The following CTDP1 variants were observed in gnomAD, a reference collection of about 807,000 sequenced individuals.
CTDP1 encodes RNA polymerase II subunit A C-terminal domain phosphatase.
A neutral mutation model predicts 91.8 loss-of-function variants in CTDP1; 47 were observed. The ratio of observed to expected loss-of-function variants is 0.51; its 90% CI spans 0.41 to 0.65. The LOEUF (loss-of-function observed/expected upper bound fraction) is 0.65. Ranked by LOEUF, CTDP1 falls within the 30% of genes least tolerant of loss-of-function variation. The pLI, the probability that CTDP1 is intolerant of heterozygous loss-of-function variation, is 0.00. For synonymous variants in CTDP1, 656 were observed against 598.5 expected (o/e 1.10, Z -1.40); for missense variants, 1,272 against 1,373.7 (o/e 0.93, Z 1.17).
intron 11 of CTDP1, among the ~76,000 whole-genome samples, chr18:79,732,574 C>A (rs1234491003): frequency 1.1e-3 from 134 of 122,148 alleles, no homozygotes; most frequent in African/African-American, 3.5e-3. Context: ...CATGAGAACT[C>A]ACATCAGGAG....
intron 4 of CTDP1, among the ~76,000 whole-genome samples, chr18:79,698,283 C>T (rs929741732): frequency 2.0e-5 from 3 of 151,968 alleles, no homozygotes; most frequent in Non-Finnish European, 2.9e-5. Flanking sequence ...ACGTCCCGAG[C>T]CTGTGAGGAT....
In CTDP1 at chr18:79,712,988, G is replaced by A; in HGVS notation, c.880G>A (p.Gly294Arg). The change falls in exon 7 of 13, where the codon GGA becomes AGA. Residue 294 changes from glycine to arginine, a missense_variant. By Grantham distance (125) the Gly-to-Arg change is moderately radical (BLOSUM62 -2). Coordinates refer to ENST00000613122, the MANE Select transcript of CTDP1 (RefSeq NM_004715.5). ...TGNLRNLFPCGDSMVCIIDDR... is the reference protein window; with the variant it reads ...TGNLRNLFPCRDSMVCIIDDR... ...CACTTGTAGAAATCTCTTTCCTTGT[G>A]GAGACTCAATGGTTTGCATTATTGA... 6.2e-7 allele frequency: 1 copy of A among 1,614,000 alleles called. No homozygotes were observed. Among genetic ancestry groups the A allele is most frequent in the Non-Finnish European group, 8.5e-7 (1 of 1,179,964 alleles).
Position 79,712,968 on chromosome 18 carries a change from G to A in CTDP1, c.864-4G>A, listed in dbSNP as rs77055388. On this transcript the variant is annotated splice_polypyrimidine_tract_variant and splice_region_variant and intron_variant, in intron 6 of 12. Transcript: ENST00000613122. ...TTTTGTAAATTATGCATTTTCACTT[G>A]TAGAAATCTCTTTCCTTGTGGAGAC... 6 of 1,613,894 alleles carry A rather than the reference G, an allele frequency of 3.7e-6. No individual in the cohort carries two copies. Among genetic ancestry groups the A allele is most frequent in the Admixed American group, 3.3e-5 (2 of 60,008 alleles).
chr18:79,717,909 G>C lies in CTDP1; in HGVS notation c.2310G>C (p.Glu770Asp), dbSNP rs1331006068. 1 of 1,613,584 alleles carries C rather than the reference G, an allele frequency of 6.2e-7. No individual in the cohort carries two copies. The highest frequency in any genetic ancestry group is 1.7e-5 in the Admixed American group (1 of 60,032). The change falls in exon 10 of 13, where the codon GAG (glutamate) becomes GAC (aspartate). Residue 770 changes from glutamate to aspartate, a missense_variant. Coordinates refer to ENST00000613122, the MANE Select transcript of CTDP1 (RefSeq NM_004715.5). ...TTCCCAAGGCCCAGCCTGGCCCCGA[G>C]GTTCGGATCTACGACTCCAACACGG... ...PVLPKAQPGPEVRIYDSNTGK... is the reference protein window; with the variant it reads ...PVLPKAQPGPDVRIYDSNTGK...
At chr18:79,703,809 T>G (rs1338396569) in intron 4 of CTDP1, among the ~76,000 whole-genome samples, 3 of 152,058 alleles carry the variant, frequency 2.0e-5, no homozygotes, top group Admixed American at 6.5e-5. Context: ...CAGGAGTAGT[T>G]AGTGTAGCTA....
At position 79,693,460 on chromosome 18, in the gene CTDP1, A is replaced by G. The variant is rs532677350; in HGVS notation, c.315-1765A>G. Among the ~76,000 whole-genome samples, 3 of 152,322 alleles carry G rather than the reference A, an allele frequency of 2.0e-5. No homozygotes were observed. In the East Asian group the frequency reaches 5.8e-4, roughly 29 times the overall value. ...CTGGTTTAAGAAAAAAACCTGATAC[A>G]GGTTGAGTCTCCCATATCCAAACTG... On this transcript the variant is annotated intron_variant, in intron 1 of 12. Coordinates refer to ENST00000613122, the MANE Select transcript of CTDP1 (RefSeq NM_004715.5).
intron 1 of CTDP1, among the ~76,000 whole-genome samples, chr18:79,694,260 T>TGTG (rs2085692288): frequency 2.9e-5 from 4 of 139,984 alleles, no homozygotes; most frequent in Admixed American, 7.1e-5. Flanking sequence ...GTGTGGGGGC[T>TGTG]ACAGGCACCT....
chr18:79,727,524 G>A (rs148818429), intron 10 of CTDP1, among the ~76,000 whole-genome samples: 2 of 152,332 alleles, frequency 1.3e-5, no homozygotes, highest in African/African-American at 4.8e-5. Flanking sequence ...GGGATGGGAA[G>A]CGCGTGTTCA....
At chr18:79,742,370 C>T (rs764854833) in intron 12 of CTDP1, among the ~76,000 whole-genome samples, 4 of 152,100 alleles carry the variant, frequency 2.6e-5, no homozygotes, top group African/African-American at 4.8e-5. Flanking sequence ...ACACCACAGC[C>T]GCTTCTCCTC....
rs1271218334 is a variant in CTDP1 at position 79,747,742 on chromosome 18, TA to T, written c.2748-5909del. 2.0e-5 allele frequency among the ~76,000 whole-genome samples: 3 copies of T among 152,326 alleles called. No homozygotes were observed. In the East Asian group the frequency reaches 5.8e-4, roughly 29 times the overall value. On this transcript the variant is annotated intron_variant, in intron 12 of 12. Coordinates refer to ENST00000613122, the MANE Select transcript of CTDP1 (RefSeq NM_004715.5). ...CCTGGCCACGCCGGCACGGGTTTTT[TA>T]GTGACGTGGCGGCCTCACGGTGAGC...
intron 12 of CTDP1, among the ~76,000 whole-genome samples, chr18:79,741,944 T>C (rs1298606881): frequency 6.6e-6 from 1 of 152,148 alleles, no homozygotes; most frequent in Non-Finnish European, 1.5e-5. Flanking sequence ...TGGAAAACAT[T>C]AATTTATACA....
At chr18:79,690,630 A>T (rs2085600845) in intron 1 of CTDP1, among the ~76,000 whole-genome samples, 1 of 152,196 alleles carries the variant, frequency 6.6e-6, no homozygotes. Flanking sequence ...TCGTATTAAG[A>T]AAAGACATTG....
chr18:79,697,753 C>A, intron 3 of CTDP1, 107 bp from the exon 4 acceptor site: 1 of 1,526,028 alleles, frequency 6.6e-7, no homozygotes, highest in Non-Finnish European at 9.0e-7. Context: ...GCGTGGGGGG[C>A]TGGAGGGGAA....
intron 11 of CTDP1, among the ~76,000 whole-genome samples, chr18:79,733,563 G>A (rs555210040): frequency 3.3e-4 from 50 of 151,952 alleles, no homozygotes; most frequent in Admixed American, 7.2e-4. Context: ...CCCCAAAGCC[G>A]GCGTCCGCTG....
upstream of CTDP1, chr18:79,679,390 TCA>T: frequency 4.4e-6 from 2 of 455,136 alleles, no homozygotes; most frequent in Middle Eastern, 6.5e-4. Flanking sequence ...ACGTTGCGAC[TCA>T]CAGTGCGCGA....
intron 12 of CTDP1, among the ~76,000 whole-genome samples, chr18:79,737,202 C>T (rs1461523845): frequency 1.3e-5 from 2 of 152,252 alleles, no homozygotes; most frequent in African/African-American, 4.8e-5. Context: ...CTCCTTGTGA[C>T]TGGTCAGTGT....
At chr18:79,740,338 C>G (rs1568216019) in intron 12 of CTDP1, among the ~76,000 whole-genome samples, 1 of 152,240 alleles carries the variant, frequency 6.6e-6, no homozygotes, top group Non-Finnish European at 1.5e-5. Context: ...GGGGTCTTTT[C>G]AGCTTCCTGT....
rs771102094 is a variant in CTDP1 at position 79,715,540 on chromosome 18, C to T, written c.2068+12C>T. 5.2e-6 allele frequency: 8 copies of T among 1,542,278 alleles called. No individual in the cohort carries two copies. The South Asian group carries it at 8.3e-5, about 16-fold the overall frequency. On this transcript the variant is annotated intron_variant, in intron 8 of 12. Coordinates refer to ENST00000613122, the MANE Select transcript of CTDP1 (RefSeq NM_004715.5). ...CGCCGCGCGAGCTGGTGAGTGCTGC[C>T]TCCCTGTGCCCTGGGCATGGTCAGG...
intron 12 of CTDP1, among the ~76,000 whole-genome samples, chr18:79,743,547 G>C (rs1243508520): frequency 2.6e-5 from 3 of 115,460 alleles, no homozygotes; most frequent in Non-Finnish European, 5.3e-5. Context: ...AAAAAAAACA[G>C]TGAAGCACAA....
Sources: gnomAD v4.1 joint callset for allele counts (sites outside exome capture counted in the v4.1 genomes callset) on GRCh38, gnomAD v4.1.1 for gene constraint, MANE v1.5 for transcripts, NCBI Gene and HGNC (gene_info 2026-07-23, HGNC 2026-07-21) for gene names.